CDC16: variants seen among roughly 807,000 people sequenced by gnomAD.
CDC16 encodes the protein cell division cycle protein 16 homolog.
In CDC16, 34 loss-of-function variants were observed where a neutral mutation model predicts 87.0. That is an observed-to-expected ratio of 0.39 (90% CI 0.30 to 0.52). CDC16 has a LOEUF of 0.52. Among genes scored for constraint, CDC16 ranks in the 20% least tolerant of loss-of-function variants. The pLI is 0.74. For synonymous variants in CDC16, 263 were observed against 260.6 expected, an observed-to-expected ratio of 1.01 and a Z score of -0.09; for missense variants, 653 against 751.9, an observed-to-expected ratio of 0.87 and a Z score of 1.54.
intron 12 of CDC16, among the ~76,000 whole-genome samples, chr13:114,254,063 A>G (rs1425668083): frequency 6.6e-6 from 1 of 152,122 alleles, no homozygotes; most frequent in East Asian, 1.9e-4. Context: ...ATTATCTCTA[A>G]TAATACTTTT....
In CDC16 at chr13:114,241,760, AAGTT is replaced by A. The variant is rs143358203; in HGVS notation, c.382-360_382-357del. Among the ~76,000 whole-genome samples, 994 of 152,300 alleles carry A rather than the reference AAGTT, an allele frequency of 6.5e-3. 14 individuals are homozygous for A. Among genetic ancestry groups the A allele is most frequent in the African/African-American group, 0.023 (953 of 41,556 alleles). Reference sequence around the variant, plus strand: ...AATACACAATTCTCTATCAAAAGTTAAGTTTAAGGGCCAGGCATGGTTGCTCATG... The same window carrying A: ...AATACACAATTCTCTATCAAAAGTTATAAGGGCCAGGCATGGTTGCTCATG... On this transcript the variant is annotated intron_variant, in intron 5 of 17. Coordinates refer to ENST00000356221, the MANE Select transcript of CDC16 (RefSeq NM_001078645.3).
intron 12 of CDC16, among the ~76,000 whole-genome samples, chr13:114,255,125 C>T (rs1363428771): frequency 6.6e-6 from 1 of 152,196 alleles, no homozygotes; most frequent in African/African-American, 2.4e-5. Context: ...TAGTATCCTT[C>T]TGTTTTAGCA....
intron 12 of CDC16, among the ~76,000 whole-genome samples, chr13:114,255,650 TA>T (rs1165774341): frequency 6.6e-6 from 1 of 151,940 alleles, no homozygotes; most frequent in Non-Finnish European, 1.5e-5. Context: ...TGATGAAGAA[TA>T]CTCAACCTGT....
At chr13:114,246,433 G>A (rs894766263) in intron 10 of CDC16, among the ~76,000 whole-genome samples, 2 of 152,220 alleles carry the variant, frequency 1.3e-5, no homozygotes, top group Admixed American at 1.3e-4. Context: ...CTGTTGAATT[G>A]TGTACTGATT....
Position 114,266,263 on chromosome 13 carries a change from T to C in CDC16, c.1603+1023T>C, listed in dbSNP as rs368008933. 3.9e-5 allele frequency among the ~76,000 whole-genome samples: 6 copies of C among 152,302 alleles called. No individual in the cohort carries two copies. In the South Asian group the frequency reaches 6.2e-4, roughly 16 times the overall value. ...CCCTGAGGAAAACAGAGGTTTCTCC[T>C]AAAACGGGGTCTGTGGCACCCTCTG... On this transcript the variant is annotated intron_variant, in intron 17 of 17. Coordinates refer to ENST00000356221, the MANE Select transcript of CDC16 (RefSeq NM_001078645.3).
At chr13:114,236,949 T>C in intron 3 of CDC16, 53 bp downstream of exon 3, 1 of 1,245,830 alleles carries the variant, frequency 8.0e-7, no homozygotes, top group Non-Finnish European at 1.1e-6. Flanking sequence ...AAAAATGTCA[T>C]TAGTGGCCGG....
At chr13:114,263,498 ATAATTTTTTCCCGGCACT>A (rs1293437810) in intron 16 of CDC16, among the ~76,000 whole-genome samples, 3 of 152,372 alleles carry the variant, frequency 2.0e-5, no homozygotes, top group Non-Finnish European at 4.4e-5. Context: ...AAACTTTAAC[ATAATTTTTTCCCGGCACT>A]TAATTTTTTT....
At position 114,234,989 on chromosome 13, in the gene CDC16, C is replaced by CGGCGGA; in HGVS notation, c.-96_-95insGGCGGA. 1 of 1,029,504 alleles carries CGGCGGA rather than the reference C, an allele frequency of 9.7e-7. No individual in the cohort carries two copies. The highest frequency in any genetic ancestry group is 4.1e-5 in the South Asian group (1 of 24,208). 63.8% of individuals were successfully genotyped at this position (1,029,504 alleles called of 1,614,324 possible). Reference sequence around the variant, plus strand: ...TCGAGTCCTGGGGCGGCGGCGGCGGCTGCAGGCACGGGCACGGGCACGGGG... The same window carrying CGGCGGA: ...TCGAGTCCTGGGGCGGCGGCGGCGGCGGCGGATGCAGGCACGGGCACGGGCACGGGG... On this transcript the variant is annotated 5_prime_UTR_variant, in exon 1 of 18. In the 5' UTR this introduces an upstream ATG that the reference lacks. Coordinates refer to ENST00000356221, the MANE Select transcript of CDC16 (RefSeq NM_001078645.3).
chr13:114,235,481 A>G (rs1054051696), intron 1 of CDC16, among the ~76,000 whole-genome samples: 1 of 152,214 alleles, frequency 6.6e-6, no homozygotes, highest in African/African-American at 2.4e-5. Flanking sequence ...CTAGCTAATA[A>G]AACATTTTTG....
rs141227612 is a variant in CDC16 at position 114,253,883 on chromosome 13, A to G, written c.1098-3195A>G. ...CTTATTTATTCTCTGCATTATTGCAAGTGAGGTATTAAAGTCTCCAGATTT... is the reference window on the plus strand; with the variant it reads ...CTTATTTATTCTCTGCATTATTGCAGGTGAGGTATTAAAGTCTCCAGATTT... On this transcript the variant is annotated intron_variant, in intron 12 of 17. Coordinates refer to ENST00000356221, the MANE Select transcript of CDC16 (RefSeq NM_001078645.3). Among the ~76,000 whole-genome samples the G allele has an allele frequency of 2.4e-4, 36 of 152,204 alleles. No homozygotes were observed. In the East Asian group the frequency reaches 6.2e-3, roughly 26 times the overall value.
chr13:114,236,195 CTT>C (rs1371946906), intron 1 of CDC16, among the ~76,000 whole-genome samples: 2 of 152,158 alleles, frequency 1.3e-5, no homozygotes, highest in Non-Finnish European at 2.9e-5. Context: ...TGTTTTTAAA[CTT>C]GAGTGTTATT....
rs2083753170 is a variant in CDC16 at position 114,272,478 on chromosome 13, G to A, written c.*35G>A. On this transcript the variant is annotated 3_prime_UTR_variant, in exon 18 of 18. Transcript: ENST00000356221. ...GTGGTCCTGGTCCCACTGTCCCAGT[G>A]TAGGTTAGTATTCCTTCACATCCTC... 2 of 1,593,030 alleles carry A rather than the reference G, an allele frequency of 1.3e-6. No homozygotes were observed. Among genetic ancestry groups the A allele is most frequent in the African/African-American group, 2.7e-5 (2 of 74,144 alleles).
At chr13:114,244,243 A>G (rs941220614) in intron 8 of CDC16, among the ~76,000 whole-genome samples, 1 of 152,222 alleles carries the variant, frequency 6.6e-6, no homozygotes, top group African/African-American at 2.4e-5. Flanking sequence ...ATAATTTGCA[A>G]GTTTGAAAAT....
chr13:114,238,995 T>C lies in CDC16; in HGVS notation c.207T>C (p.Tyr69=), dbSNP rs765419595. ...CAAATTAATTTCTTTCCTAGTTGTA[T>C]GAAGCATGTCGTTACCTTGCAGCTA... ...ALRSRKLDKL[Y]EACRYLAARC... The change falls in exon 4 of 18, where the codon TAT becomes TAC. Residue 69 remains tyrosine, a synonymous_variant. Coordinates refer to ENST00000356221, the MANE Select transcript of CDC16 (RefSeq NM_001078645.3). The C allele has an allele frequency of 8.7e-6, 14 of 1,611,226 alleles. 1 individual carries two copies. The South Asian group carries it at 1.5e-4, about 18-fold the overall frequency.
intron 17 of CDC16, among the ~76,000 whole-genome samples, chr13:114,269,280 CAG>C (rs1173005022): frequency 3.3e-4 from 50 of 152,316 alleles, no homozygotes; most frequent in African/African-American, 1.1e-3. Flanking sequence ...ACAAGAACCA[CAG>C]TTCAGGACCT....
rs1481951657 is a variant in CDC16 at position 114,234,994 on chromosome 13, G to GCGGCC, written c.-91_-90insCGGCC. On this transcript the variant is annotated 5_prime_UTR_variant, in exon 1 of 18. Transcript: ENST00000356221. ...TCCTGGGGCGGCGGCGGCGGCTGCA[G>GCGGCC]GCACGGGCACGGGCACGGGGCGGGG... 2 of 1,069,678 alleles carry GCGGCC rather than the reference G, an allele frequency of 1.9e-6. No homozygotes were observed. Among genetic ancestry groups the GCGGCC allele is most frequent in the Non-Finnish European group, 2.4e-6 (2 of 844,542 alleles). The allele number at this position is 1,069,678 out of a possible 1,614,324, so 66.3% of individuals were successfully genotyped here.
intron 17 of CDC16, among the ~76,000 whole-genome samples, chr13:114,266,062 C>G (rs1296125736): frequency 2.6e-5 from 4 of 152,202 alleles, no homozygotes; most frequent in African/African-American, 4.8e-5. Flanking sequence ...GGTGATCTGC[C>G]TGCCTCGGCC....
At chr13:114,270,902 G>T (rs1376743141) in intron 17 of CDC16, among the ~76,000 whole-genome samples, 2 of 146,908 alleles carry the variant, frequency 1.4e-5, no homozygotes, top group Non-Finnish European at 3.0e-5. Flanking sequence ...TGACCTCGCA[G>T]AAGAGATTTA....
intron 17 of CDC16, among the ~76,000 whole-genome samples, chr13:114,267,127 A>G (rs60542207): frequency 0.024 from 3,717 of 152,308 alleles, 156 homozygotes; most frequent in African/African-American, 0.085. Context: ...GCAATGTATT[A>G]AGAAACACAC....
Sources: allele counts gnomAD v4.1 joint callset (sites outside exome capture counted in the v4.1 genomes callset), GRCh38; gene constraint gnomAD v4.1.1; transcripts MANE v1.5; gene names NCBI Gene and HGNC (gene_info 2026-07-23, HGNC 2026-07-21).